MSANTD5: variants seen among roughly 807,000 people sequenced by gnomAD.
MSANTD5 encodes Myb/SANT DNA binding domain containing 5, also known as uncharacterized protein MSANTD5.
At chr5:178,702,653 A>G (rs1029871381), upstream of MSANTD5, among the ~76,000 whole-genome samples, 1 of 151,528 alleles carries the variant, frequency 6.6e-6, no homozygotes, top group South Asian at 2.1e-4. Flanking sequence ...ACTGGAGTGC[A>G]GTGGTACCAT....
chr5:178,702,542 G>A (rs1310774482), upstream of MSANTD5, among the ~76,000 whole-genome samples: 3 of 151,100 alleles, frequency 2.0e-5, no homozygotes, highest in South Asian at 4.2e-4. Flanking sequence ...CTCATGATCC[G>A]CCTGCCTCGC....
chr5:178,699,937 T>TCTAAGGGGGACCCTGCTTATC (rs58269048), upstream of MSANTD5, among the ~76,000 whole-genome samples: 12 of 146,888 alleles, frequency 8.2e-5, no homozygotes, highest in South Asian at 2.1e-4. Flanking sequence ...TTCTGTGGCT[T>TCTAAGGGGGACCCTGCTTATC]TCCAGCACAG....
At chr5:178,695,856 G>C (rs952554141) in intron 2 of MSANTD5, among the ~76,000 whole-genome samples, 1 of 152,132 alleles carries the variant, frequency 6.6e-6, no homozygotes, top group Non-Finnish European at 1.5e-5. Flanking sequence ...CTACTGACAG[G>C]GTGTGATGGC....
chr5:178,705,709 C>T, the MSANTD5 span, among the ~76,000 whole-genome samples: 19 of 151,840 alleles, frequency 1.3e-4, no homozygotes, highest in Non-Finnish European at 2.1e-4. Context: ...GTAATCCCCA[C>T]CACTTTGGGA....
At chr5:178,695,782 G>A (rs901125733) in intron 2 of MSANTD5, among the ~76,000 whole-genome samples, 184 bp from the exon 3 acceptor site, 1 of 152,188 alleles carries the variant, frequency 6.6e-6, no homozygotes, top group African/African-American at 2.4e-5. Flanking sequence ...TCCAGTCACT[G>A]GGACAGGCAA....
At chr5:178,704,165 C>G in the MSANTD5 span, among the ~76,000 whole-genome samples, 1 of 152,110 alleles carries the variant, frequency 6.6e-6, no homozygotes, top group Non-Finnish European at 1.5e-5. Context: ...CACAGTTTTG[C>G]AATTCAAGGG....
At chr5:178,696,334 T>TG in intron 1 of MSANTD5, among the ~76,000 whole-genome samples, 153 bp from the exon 2 acceptor site, 1 of 152,182 alleles carries the variant, frequency 6.6e-6, no homozygotes, top group South Asian at 2.1e-4. Flanking sequence ...GTGATTCTCC[T>TG]GCTTCAGCCT....
chr5:178,699,450 T>TA (rs999506349), upstream of MSANTD5, among the ~76,000 whole-genome samples: 1 of 147,284 alleles, frequency 6.8e-6, no homozygotes, highest in Admixed American at 6.9e-5. Context: ...TTTTTTCTGA[T>TA]AGAGTCTCAC....
chr5:178,693,347 T>C (rs563238776), downstream of MSANTD5, among the ~76,000 whole-genome samples: 1 of 152,104 alleles, frequency 6.6e-6, no homozygotes, highest in East Asian at 1.9e-4. Context: ...ATTTATTCTT[T>C]CTGGTGGGTT....
chr5:178,705,263 G>A, the MSANTD5 span, among the ~76,000 whole-genome samples: 1 of 152,026 alleles, frequency 6.6e-6, no homozygotes, highest in Non-Finnish European at 1.5e-5. Flanking sequence ...GGCCAGGATG[G>A]TCTCGATCTC....
downstream of MSANTD5, among the ~76,000 whole-genome samples, chr5:178,693,412 AGCT>A (rs1453713751): frequency 6.6e-6 from 1 of 151,706 alleles, no homozygotes; most frequent in African/African-American, 2.4e-5. Context: ...TGAGTGTCAC[AGCT>A]CTTAAAGATA....
chr5:178,696,207 T>A (rs998695357), intron 1 of MSANTD5, 26 bp from the exon 2 acceptor site: 22 of 150,950 alleles, frequency 1.5e-4, no homozygotes, highest in African/African-American at 5.4e-4. Context: ...GATAAATACA[T>A]ATTAGAATCT....
At chr5:178,696,019 G>C (rs925969507) in intron 2 of MSANTD5, 78 bp downstream of exon 2, 1 of 152,170 alleles carries the variant, frequency 6.6e-6, no homozygotes, top group Non-Finnish European at 1.5e-5. Flanking sequence ...GGGCTTGGAT[G>C]AGCGTATCAG....
downstream of MSANTD5, among the ~76,000 whole-genome samples, chr5:178,693,427 T>C (rs1159134979): frequency 1.3e-5 from 2 of 151,926 alleles, no homozygotes; most frequent in African/African-American, 2.4e-5. Context: ...TTAAAGATAG[T>C]GTGGCCGGAG....
At chr5:178,691,685 T>C (rs1346666464), downstream of MSANTD5, among the ~76,000 whole-genome samples, 1 of 135,314 alleles carries the variant, frequency 7.4e-6, no homozygotes. Context: ...TAAAAAACTC[T>C]CAAATAATAA....
upstream of MSANTD5, among the ~76,000 whole-genome samples, chr5:178,701,808 T>C (rs1179980314): frequency 6.7e-6 from 1 of 149,982 alleles, no homozygotes; most frequent in Non-Finnish European, 1.5e-5. Context: ...TTCAATGGTG[T>C]GTTCTTGGCC....
chr5:178,693,175 T>C (rs1194241247), downstream of MSANTD5, among the ~76,000 whole-genome samples: 1 of 151,626 alleles, frequency 6.6e-6, no homozygotes, highest in African/African-American at 2.4e-5. Flanking sequence ...TAACCAGACA[T>C]GGTGGCGCAC....
the MSANTD5 span, among the ~76,000 whole-genome samples, chr5:178,704,513 C>T: frequency 0.02 from 2,993 of 152,266 alleles, 47 homozygotes; most frequent in Middle Eastern, 0.031. Context: ...CCAACCTCCG[C>T]AATGTGAGAA....
At chr5:178,699,937 T>TCTAATGGGGACCCTGCTTA (rs58269048), upstream of MSANTD5, among the ~76,000 whole-genome samples, 22 of 146,898 alleles carry the variant, frequency 1.5e-4, no homozygotes, top group South Asian at 3.4e-3. Flanking sequence ...TTCTGTGGCT[T>TCTAATGGGGACCCTGCTTA]TCCAGCACAG....
Sources: allele counts gnomAD v4.1 joint callset (sites outside exome capture counted in the v4.1 genomes callset), GRCh38; gene constraint gnomAD v4.1.1; transcripts MANE v1.5; gene names NCBI Gene and HGNC (gene_info 2026-07-23, HGNC 2026-07-21).